TNKS2: variants seen among roughly 807,000 people sequenced by gnomAD.
TNKS2 encodes the protein tankyrase 2, also known as poly [ADP-ribose] polymerase tankyrase-2.
A neutral mutation model predicts 137.6 loss-of-function variants in TNKS2; 72 were observed. The ratio of observed to expected loss-of-function variants is 0.52; its 90% CI spans 0.43 to 0.64. The LOEUF (loss-of-function observed/expected upper bound fraction) is 0.64. TNKS2 is among the 30% of genes least tolerant of loss of function. TNKS2 has a pLI of 0.00. For synonymous variants in TNKS2, 516 were observed against 512.1 expected (o/e 1.01, Z -0.10); for missense variants, 1,049 against 1,410.2 (o/e 0.74, Z 4.10).
rs140543906 is a variant in TNKS2, at chr10:91,836,427, A to T, written c.1448-492A>T. Among the ~76,000 whole-genome samples, 52 of 152,246 alleles carry T rather than the reference A, an allele frequency of 3.4e-4. 2 individuals carry two copies. The East Asian group carries it at 6.4e-3, about 19-fold the overall frequency. On this transcript the variant is annotated intron_variant, in intron 12 of 26. Coordinates refer to ENST00000371627, the MANE Select transcript of TNKS2 (RefSeq NM_025235.4). ...TTCTGACACTTTAAATGAGCTGTAA[A>T]CTTAGAATTTCAGACCTGGAAATGA...
At chr10:91,815,916 A>G (rs1844677175) in intron 2 of TNKS2, among the ~76,000 whole-genome samples, 1 of 151,224 alleles carries the variant, frequency 6.6e-6, no homozygotes, top group Non-Finnish European at 1.5e-5. Context: ...TACAAATAAT[A>G]ATACAGCACA....
At chr10:91,832,935 T>C (rs987167901) in intron 11 of TNKS2, among the ~76,000 whole-genome samples, 4 of 152,282 alleles carry the variant, frequency 2.6e-5, no homozygotes, top group Middle Eastern at 6.8e-3. Context: ...TTCCATTTTT[T>C]CCTCCATCCA....
intron 1 of TNKS2, among the ~76,000 whole-genome samples, chr10:91,800,678 T>G (rs865887150): frequency 1.3e-5 from 2 of 152,148 alleles, no homozygotes; most frequent in Non-Finnish European, 2.9e-5. Flanking sequence ...GATTAAGAGT[T>G]AAAGGTATAA....
chr10:91,856,645 G>A (rs1589695625), intron 23 of TNKS2, among the ~76,000 whole-genome samples: 1 of 152,126 alleles, frequency 6.6e-6, no homozygotes, highest in East Asian at 1.9e-4. Flanking sequence ...ATTTTCATGC[G>A]TTGTGTAATA....
rs2133690137 is a variant in TNKS2 at position 91,863,426 on chromosome 10, A to G, written c.*427A>G. Reference sequence around the variant, plus strand: ...TAAATAAGAGCTTTTGTACTAGCCCAGTATTTATTTACATTGCTTTGTAAT... The same window carrying G: ...TAAATAAGAGCTTTTGTACTAGCCCGGTATTTATTTACATTGCTTTGTAAT... On this transcript the variant is annotated 3_prime_UTR_variant, in exon 27 of 27. Coordinates refer to ENST00000371627, the MANE Select transcript of TNKS2 (RefSeq NM_025235.4). 1 of 153,578 alleles carries G rather than the reference A, an allele frequency of 6.5e-6. No homozygotes were observed. Among genetic ancestry groups the G allele is most frequent in the African/African-American group, 2.4e-5 (1 of 41,614 alleles). 9.5% of individuals were successfully genotyped at this position (153,578 alleles called of 1,614,324 possible). A position where few individuals can be genotyped will look rare whatever the true frequency, so the allele number is the denominator to read the frequency against.
chr10:91,856,481 C>G (rs1401241868), intron 23 of TNKS2, among the ~76,000 whole-genome samples: 6 of 152,184 alleles, frequency 3.9e-5, no homozygotes, highest in Non-Finnish European at 7.3e-5. Context: ...TACATGCCTA[C>G]TACAGGTACA....
rs1229361235 is a variant in TNKS2 at position 91,833,942 on chromosome 10, T to C, written c.1365T>C (p.Tyr455=). The change falls in exon 12 of 27, where the codon TAT becomes TAC. Residue 455 remains tyrosine (Y), a synonymous_variant. Transcript: ENST00000371627. ...HLQTCRLLLS[Y]GCDPNIISLQ... ...AAACCTGCCGCCTACTCCTGAGCTA[T>C]GGGTGTGATCCTAACATTATATCCC... The C allele has an allele frequency of 1.2e-6, 2 of 1,613,822 alleles. No homozygotes were observed. The highest frequency in any genetic ancestry group is 1.3e-5 in the African/African-American group (1 of 74,918).
chr10:91,814,427 ATTAT>A (rs1157304509), intron 2 of TNKS2, among the ~76,000 whole-genome samples: 1 of 152,224 alleles, frequency 6.6e-6, no homozygotes, highest in Non-Finnish European at 1.5e-5. Flanking sequence ...GCTAAAGTTA[ATTAT>A]TGAAGAAAGA....
At chr10:91,856,063 T>C (rs749371112) in intron 23 of TNKS2, among the ~76,000 whole-genome samples, 44 of 152,316 alleles carry the variant, frequency 2.9e-4, no homozygotes, top group African/African-American at 1.1e-3. Context: ...TATTTTTTTA[T>C]CCTGATTGAC....
intron 14 of TNKS2, among the ~76,000 whole-genome samples, 173 bp from the exon 15 acceptor site, chr10:91,841,110 C>A (rs1056124220): frequency 2.0e-5 from 3 of 152,172 alleles, no homozygotes; most frequent in African/African-American, 7.2e-5. Flanking sequence ...TAAATGTTCT[C>A]CCCTGACTCA....
chr10:91,851,098 A>G, intron 20 of TNKS2, 118 bp from the exon 21 acceptor site: 1 of 1,319,692 alleles, frequency 7.6e-7, no homozygotes, highest in Non-Finnish European at 1.0e-6. Context: ...TAATATTTTT[A>G]GAAATGTTTA....
intron 23 of TNKS2, 117 bp from the exon 24 acceptor site, chr10:91,857,308 A>T: frequency 2.0e-6 from 1 of 502,820 alleles, no homozygotes; most frequent in Non-Finnish European, 3.5e-6. Flanking sequence ...CACATTTTAT[A>T]TTTCAGAGTA....
chr10:91,836,435 T>C (rs1842019890), intron 12 of TNKS2: 1 of 163,430 alleles, frequency 6.1e-6, no homozygotes, highest in African/African-American at 2.4e-5. Context: ...AAACTTAGAA[T>C]TTCAGACCTG....
At chr10:91,817,327 T>A in intron 3 of TNKS2, 98 bp downstream of exon 3, 1 of 671,786 alleles carries the variant, frequency 1.5e-6, no homozygotes, top group South Asian at 2.0e-5. Context: ...CAGCTAGATT[T>A]TTAAAATAGT....
At chr10:91,862,590 G>A (rs893702435) in intron 26 of TNKS2, among the ~76,000 whole-genome samples, 2 of 152,114 alleles carry the variant, frequency 1.3e-5, no homozygotes, top group Admixed American at 6.6e-5. Flanking sequence ...CCTGTCCATA[G>A]CAAAGAAGTA....
intron 2 of TNKS2, among the ~76,000 whole-genome samples, chr10:91,813,774 A>T (rs988094211): frequency 6.6e-6 from 1 of 152,184 alleles, no homozygotes; most frequent in East Asian, 1.9e-4. Flanking sequence ...TGGATGACAT[A>T]CATAAGGGTG....
chr10:91,855,567 TAACAC>T, intron 22 of TNKS2, 42 bp from the exon 23 acceptor site: 1 of 1,428,328 alleles, frequency 7.0e-7, no homozygotes, highest in Non-Finnish European at 9.7e-7. Flanking sequence ...AATCAGAAAA[TAACAC>T]AAATGCTAAT....
chr10:91,863,738 A>C lies in TNKS2; in HGVS notation c.*739A>C, dbSNP rs1304083834. On this transcript the variant is annotated 3_prime_UTR_variant, in exon 27 of 27. Transcript: ENST00000371627. ...CATTCCAAAGAGCTCTAACTATGATAGGTCCTGATTACTAAAGAAGCTTCT... is the reference window on the plus strand; with the variant it reads ...CATTCCAAAGAGCTCTAACTATGATCGGTCCTGATTACTAAAGAAGCTTCT... The C allele has an allele frequency of 6.6e-6, 1 of 152,184 alleles. No individual in the cohort carries two copies. The highest frequency in any genetic ancestry group is 1.5e-5 in the Non-Finnish European group (1 of 68,014). The allele number at this position is 152,184 out of a possible 1,614,324, so 9.4% of individuals were successfully genotyped here. A position where few individuals can be genotyped will look rare whatever the true frequency, so the allele number is the denominator to read the frequency against.
At chr10:91,839,168 A>G (rs1367396544) in intron 13 of TNKS2, among the ~76,000 whole-genome samples, 5 of 152,018 alleles carry the variant, frequency 3.3e-5, no homozygotes, top group Non-Finnish European at 7.4e-5. Flanking sequence ...GCCCGGCCTA[A>G]GATAGATATA....
Sources: allele counts gnomAD v4.1 joint callset (sites outside exome capture counted in the v4.1 genomes callset), GRCh38; gene constraint gnomAD v4.1.1; transcripts MANE v1.5; gene names NCBI Gene and HGNC (gene_info 2026-07-23, HGNC 2026-07-21).